Variants in FER observed in about 807,000 individuals in gnomAD.
FER encodes FER tyrosine kinase.
FER carries 63 observed loss-of-function variants against 111.0 expected under a neutral mutation model. That is an observed-to-expected ratio of 0.57 (90% confidence interval 0.46 to 0.70). The LOEUF is 0.70. Ranked by LOEUF, FER falls within the 30% of genes least tolerant of loss-of-function variation. The pLI, the probability that FER is intolerant of heterozygous loss-of-function variation, is 0.00. For missense variants in FER, 914 were observed against 954.0 expected (o/e 0.96, Z 0.55); for synonymous variants, 327 against 313.9 (o/e 1.04, Z -0.44).
intron 16 of FER, among the ~76,000 whole-genome samples, chr5:109,059,450 C>T (rs757935492): frequency 3.3e-5 from 5 of 152,098 alleles, no homozygotes; most frequent in Non-Finnish European, 7.4e-5. Context: ...ATCGCTTGAA[C>T]CCGGGAGGCG....
intron 5 of FER, among the ~76,000 whole-genome samples, chr5:108,843,784 C>T (rs1287902438): frequency 6.6e-6 from 1 of 151,944 alleles, no homozygotes; most frequent in Non-Finnish European, 1.5e-5. Context: ...ACCTCAGCCT[C>T]CCAAAGTGCT....
chr5:108,963,022 A>G (rs1218961832), intron 13 of FER, among the ~76,000 whole-genome samples: 1 of 152,220 alleles, frequency 6.6e-6, no homozygotes, highest in Non-Finnish European at 1.5e-5. Context: ...AGATTTTAAT[A>G]TATCAAAAAC....
At chr5:108,845,074 A>G (rs1761892994) in intron 5 of FER, among the ~76,000 whole-genome samples, 1 of 119,176 alleles carries the variant, frequency 8.4e-6, no homozygotes, top group Non-Finnish European at 1.7e-5. Context: ...ATATACACAC[A>G]CACACACACA....
At chr5:108,898,412 C>A (rs964573833) in intron 10 of FER, among the ~76,000 whole-genome samples, 1 of 151,854 alleles carries the variant, frequency 6.6e-6, no homozygotes, top group African/African-American at 2.4e-5. Flanking sequence ...CTTCTTCTCT[C>A]CTTTCCTTTC....
intron 4 of FER, 102 bp from the exon 5 acceptor site, chr5:108,835,606 T>A (rs1283288886): frequency 1.7e-5 from 11 of 658,094 alleles, no homozygotes; most frequent in Non-Finnish European, 2.6e-5. Flanking sequence ...CTCTGACCTG[T>A]AAGTAGTGAA....
At chr5:108,764,159 A>G (rs1423897474) in intron 1 of FER, among the ~76,000 whole-genome samples, 1 of 152,192 alleles carries the variant, frequency 6.6e-6, no homozygotes, top group African/African-American at 2.4e-5. Context: ...AGAGAAGGAT[A>G]GTTTGGGAAA....
intron 17 of FER, among the ~76,000 whole-genome samples, chr5:109,137,754 A>G (rs1753056326): frequency 6.6e-6 from 1 of 152,178 alleles, no homozygotes; most frequent in African/African-American, 2.4e-5. Context: ...TTTTTGTAGT[A>G]CCCCTGTGGC....
At chr5:108,974,923 T>C (rs886094808) in intron 13 of FER, among the ~76,000 whole-genome samples, 5 of 152,200 alleles carry the variant, frequency 3.3e-5, no homozygotes, top group Admixed American at 6.5e-5. Flanking sequence ...TCCAGAACTG[T>C]AAAATAATAA....
chr5:109,124,464 G>A (rs1363097011), intron 17 of FER, among the ~76,000 whole-genome samples: 1 of 152,198 alleles, frequency 6.6e-6, no homozygotes, highest in Non-Finnish European at 1.5e-5. Context: ...TGCCCAGAAT[G>A]GCTTTGTGGA....
intron 16 of FER, among the ~76,000 whole-genome samples, chr5:109,084,820 G>A (rs1777377122): frequency 6.6e-6 from 1 of 151,840 alleles, no homozygotes; most frequent in Admixed American, 6.6e-5. Flanking sequence ...ACAGTTATAT[G>A]TAGTTCTTTC....
chr5:109,020,579 T>C (rs1386404944), intron 13 of FER, among the ~76,000 whole-genome samples: 1 of 152,026 alleles, frequency 6.6e-6, no homozygotes, highest in Non-Finnish European at 1.5e-5. Context: ...GTTACTAAAA[T>C]TGGCTTGCTG....
chr5:108,969,616 T>TTTTTTTTTTTTTTTTTTTTTTTTTGAGAC (rs1561695264), intron 13 of FER, among the ~76,000 whole-genome samples: 1 of 149,160 alleles, frequency 6.7e-6, no homozygotes, highest in African/African-American at 2.6e-5. Context: ...TTAATTTTTT[T>TTTTTTTTTTTTTTTTTTTTTTTTTGAGAC]GAACACTGTG....
At chr5:109,161,378 A>G (rs944799978) in intron 17 of FER, among the ~76,000 whole-genome samples, 1 of 152,058 alleles carries the variant, frequency 6.6e-6, no homozygotes, top group Admixed American at 6.6e-5. Flanking sequence ...TCTAGTACCC[A>G]CTAGACTTAC....
rs1165401708 is a variant in FER, at chr5:108,879,699, A to ATATATATATATAT, written c.924-3697_924-3696insTATATATATATAT. 7.5e-3 allele frequency among the ~76,000 whole-genome samples: 699 copies of ATATATATATATAT among 93,260 alleles called. 6 individuals are homozygous for ATATATATATATAT. The highest frequency in any genetic ancestry group is 0.024 in the African/African-American group (401 of 16,818). The allele number at this position is 93,260 out of a possible 152,430, so 61.2% of individuals were successfully genotyped here. ...ATATGTATTTTTTTTAGATTAAAAA[A>ATATATATATATAT]AAATATATATATATATATATATATA... On this transcript the variant is annotated intron_variant, in intron 8 of 19. Transcript: ENST00000281092.
intron 13 of FER, among the ~76,000 whole-genome samples, chr5:108,960,779 A>C (rs1304221627): frequency 1.3e-5 from 2 of 152,096 alleles, no homozygotes; most frequent in Non-Finnish European, 2.9e-5. Context: ...TTTAACTTCA[A>C]AATTTGTTGT....
At chr5:109,172,537 T>C (rs1757244505) in intron 17 of FER, among the ~76,000 whole-genome samples, 1 of 145,996 alleles carries the variant, frequency 6.8e-6, no homozygotes, top group Non-Finnish European at 1.5e-5. Flanking sequence ...TAATGCTAAA[T>C]GACGAGTTAC....
At chr5:109,123,844 T>C (rs1264848309) in intron 17 of FER, among the ~76,000 whole-genome samples, 1 of 152,222 alleles carries the variant, frequency 6.6e-6, no homozygotes, top group Non-Finnish European at 1.5e-5. Flanking sequence ...TAACCTGTTA[T>C]TGAACATCTT....
At chr5:108,930,134 T>G (rs1754351985) in intron 10 of FER, among the ~76,000 whole-genome samples, 1 of 152,046 alleles carries the variant, frequency 6.6e-6, no homozygotes, top group African/African-American at 2.4e-5. Flanking sequence ...TATTAACACA[T>G]TAGTACCTTT....
At chr5:109,051,931 TAGATG>T (rs1772893549) in intron 16 of FER, 1 of 1,582,022 alleles carries the variant, frequency 6.3e-7, no homozygotes, top group Non-Finnish European at 8.7e-7. Context: ...GCTGAATCCA[TAGATG>T]TACCACTGGA....
Sources: allele counts gnomAD v4.1 joint callset (sites outside exome capture counted in the v4.1 genomes callset), GRCh38; gene constraint gnomAD v4.1.1; transcripts MANE v1.5; gene names NCBI Gene and HGNC (gene_info 2026-07-23, HGNC 2026-07-21).